HSD17B4: variants seen among roughly 807,000 people sequenced by gnomAD.
HSD17B4 encodes hydroxysteroid 17-beta dehydrogenase 4, also known as peroxisomal multifunctional enzyme type 2.
In HSD17B4, 70 loss-of-function variants were observed where a neutral mutation model predicts 101.0. The observed-to-expected ratio is 0.69, with a 90% CI of 0.57 to 0.85. The LOEUF (loss-of-function observed/expected upper bound fraction) is 0.85. Among genes scored for constraint, HSD17B4 ranks in the 40% least tolerant of loss-of-function variants. The probability of loss-of-function intolerance (pLI) is 0.00; values close to 1 mark genes in which losing one functional copy is unlikely to be tolerated. For synonymous variants in HSD17B4, 347 were observed against 297.1 expected (o/e 1.17, Z -1.73); for missense variants, 984 against 892.4 (o/e 1.10, Z -1.31).
At chr5:119,474,571 A>G (rs1359683680) in intron 4 of HSD17B4, 111 bp downstream of exon 4, 2 of 765,354 alleles carry the variant, frequency 2.6e-6, no homozygotes, top group Non-Finnish European at 4.7e-6. Flanking sequence ...TCATAATCAC[A>G]TTTTAAAATT....
intron 13 of HSD17B4, among the ~76,000 whole-genome samples, chr5:119,501,184 C>T (rs1277988051): frequency 6.6e-6 from 1 of 152,080 alleles, no homozygotes; most frequent in Non-Finnish European, 1.5e-5. Context: ...AATTGGAAAT[C>T]GTAAATGGTG....
At chr5:119,492,799 T>C (rs1750232618) in intron 10 of HSD17B4, 1 of 152,122 alleles carries the variant, frequency 6.6e-6, no homozygotes, top group Admixed American at 6.6e-5. Context: ...TCAAACCTTG[T>C]GAACTCCAAA....
rs554964617 is a variant in HSD17B4 at position 119,521,106 on chromosome 5, G to A, written c.1504-4110G>A. Among the ~76,000 whole-genome samples the A allele has an allele frequency of 3.9e-5, 6 of 152,292 alleles. No homozygotes were observed. In the South Asian group the frequency reaches 8.3e-4, roughly 21 times the overall value. ...AAGGTTTCCCAAGAACGGCTCCTGT[G>A]TATAGTGTTGCCTTGGTTTCTATAT... On this transcript the variant is annotated intron_variant, in intron 17 of 23. Coordinates refer to ENST00000510025, the MANE Select transcript of HSD17B4 (RefSeq NM_000414.4).
chr5:119,522,242 A>G (rs899818612), intron 17 of HSD17B4, among the ~76,000 whole-genome samples: 2 of 152,160 alleles, frequency 1.3e-5, no homozygotes, highest in Non-Finnish European at 2.9e-5. Context: ...AGCTTCATCC[A>G]TGTCCCTACA....
intron 2 of HSD17B4, among the ~76,000 whole-genome samples, chr5:119,457,911 T>C (rs1463977004): frequency 6.6e-6 from 1 of 152,206 alleles, no homozygotes; most frequent in Non-Finnish European, 1.5e-5. Flanking sequence ...TTTTTTGTTC[T>C]TGACTAAGAT....
chr5:119,522,447 C>G (rs1753203438), intron 17 of HSD17B4, among the ~76,000 whole-genome samples: 1 of 152,088 alleles, frequency 6.6e-6, no homozygotes, highest in South Asian at 2.1e-4. Context: ...TGGGTATATA[C>G]CCAGTAATGG....
intron 17 of HSD17B4, among the ~76,000 whole-genome samples, chr5:119,524,466 G>GGGTC (rs1267793760): frequency 6.6e-6 from 1 of 152,138 alleles, no homozygotes; most frequent in Non-Finnish European, 1.5e-5. Context: ...TGACCTAAAA[G>GGGTC]GGTCGGTCAA....
At chr5:119,517,628 A>G (rs1752749231) in intron 17 of HSD17B4, among the ~76,000 whole-genome samples, 1 of 152,236 alleles carries the variant, frequency 6.6e-6, no homozygotes, top group East Asian at 1.9e-4. Context: ...ACCAATGGGC[A>G]CTCTGTATCT....
chr5:119,527,144 A>C lies in HSD17B4; in HGVS notation c.1692A>C (p.Ala564=). 1 of 1,599,942 alleles carries C rather than the reference A, an allele frequency of 6.3e-7. No individual in the cohort carries two copies. Among genetic ancestry groups the C allele is most frequent in the South Asian group, 1.1e-5 (1 of 90,732 alleles). Residue 564 remains alanine (A), a synonymous_variant, in exon 20 of 24, where the codon GCA becomes GCC. Coordinates refer to ENST00000510025, the MANE Select transcript of HSD17B4 (RefSeq NM_000414.4). The part of the protein sequence containing the change: ...SRFKAIKARF[A]KPVYPGQTLQ... ...ATTCTTTTTTAAAGGCTCGTTTTGCAAAACCAGTATATCCAGGACAAACTC... is the reference window on the plus strand; with the variant it reads ...ATTCTTTTTTAAAGGCTCGTTTTGCCAAACCAGTATATCCAGGACAAACTC...
intron 2 of HSD17B4, among the ~76,000 whole-genome samples, chr5:119,473,476 G>T (rs1000739367): frequency 6.6e-6 from 1 of 151,254 alleles, no homozygotes; most frequent in Non-Finnish European, 1.5e-5. Flanking sequence ...ATGCCATAAT[G>T]CCCAGCTAAT....
intron 17 of HSD17B4, among the ~76,000 whole-genome samples, chr5:119,516,370 A>G (rs897151761): frequency 6.6e-6 from 1 of 152,176 alleles, no homozygotes; most frequent in Admixed American, 6.5e-5. Flanking sequence ...AATAAAAAAT[A>G]TATCTGCTAC....
At chr5:119,541,447 G>C (rs1754985202) in intron 23 of HSD17B4, among the ~76,000 whole-genome samples, 1 of 152,176 alleles carries the variant, frequency 6.6e-6, no homozygotes, top group Non-Finnish European at 1.5e-5. Context: ...TGCTACAGCT[G>C]TGATCTATTC....
chr5:119,500,289 T>C (rs766846929), intron 13 of HSD17B4, among the ~76,000 whole-genome samples: 2 of 151,980 alleles, frequency 1.3e-5, no homozygotes, highest in Non-Finnish European at 2.9e-5. Flanking sequence ...TTCTGGATAA[T>C]TGGGATATGT....
rs200675328 is a variant in HSD17B4, at chr5:119,541,863, C to T, written c.2122-42C>T. On this transcript the variant is annotated intron_variant, in intron 23 of 23. Coordinates refer to ENST00000510025, the MANE Select transcript of HSD17B4 (RefSeq NM_000414.4). ...AAAAAAAAAAAGAAATAAACTATAA[C>T]ATGGTAACAGTTGGCACTCTTTTTC... The T allele has an allele frequency of 2.3e-4, 243 of 1,065,860 alleles. 1 individual carries two copies. The African/African-American group carries it at 3.2e-3, about 14-fold the overall frequency. The allele number at this position is 1,065,860 out of a possible 1,614,324, so 66.0% of individuals were successfully genotyped here. A position where few individuals can be genotyped will look rare whatever the true frequency, so the allele number is the denominator to read the frequency against.
chr5:119,458,254 TC>T (rs1391721924), intron 2 of HSD17B4, among the ~76,000 whole-genome samples: 1 of 152,168 alleles, frequency 6.6e-6, no homozygotes, highest in Admixed American at 6.5e-5. Context: ...ACTGATGTTT[TC>T]TATTCCTTTT....
intron 16 of HSD17B4, among the ~76,000 whole-genome samples, chr5:119,512,455 C>T (rs115863756): frequency 0.019 from 2,848 of 152,006 alleles, 40 homozygotes; most frequent in Non-Finnish European, 0.027. Flanking sequence ...AAAAATGACT[C>T]ATTACTTACA....
intron 17 of HSD17B4, among the ~76,000 whole-genome samples, chr5:119,523,389 T>G (rs1284324851): frequency 6.6e-6 from 1 of 152,148 alleles, no homozygotes; most frequent in African/African-American, 2.4e-5. Context: ...AACAAGAAAC[T>G]TTTAGCTTTC....
chr5:119,465,296 A>G (rs13164650), intron 2 of HSD17B4, among the ~76,000 whole-genome samples: 2 of 152,148 alleles, frequency 1.3e-5, no homozygotes, highest in Non-Finnish European at 2.9e-5. Context: ...TTTATATGGT[A>G]TGGATGTTTT....
intron 21 of HSD17B4, 28 bp downstream of exon 21, chr5:119,530,008 C>G: frequency 1.5e-6 from 2 of 1,305,214 alleles, no homozygotes; most frequent in Non-Finnish European, 2.2e-6. Flanking sequence ...GTATCCAAGC[C>G]ACTTCCTCAT....
Sources: gnomAD v4.1 joint callset for allele counts (sites outside exome capture counted in the v4.1 genomes callset) on GRCh38, gnomAD v4.1.1 for gene constraint, MANE v1.5 for transcripts, NCBI Gene and HGNC (gene_info 2026-07-23, HGNC 2026-07-21) for gene names.